Variants in JMJD1C observed in about 807,000 individuals in gnomAD.
The protein encoded by JMJD1C is jumonji domain-containing protein 1C.
JMJD1C carries 31 observed loss-of-function variants against 245.3 expected under a neutral mutation model. That is an observed-to-expected ratio of 0.13 (90% CI 0.09 to 0.17). The LOEUF (loss-of-function observed/expected upper bound fraction) is 0.17. JMJD1C is among the 10% of genes least tolerant of loss of function. The probability of loss-of-function intolerance (pLI) is 1.00; values close to 1 mark genes in which losing one functional copy is unlikely to be tolerated. For synonymous variants in JMJD1C, 1,057 were observed against 1,017.4 expected (o/e 1.04, Z -0.74); for missense variants, 2,691 against 3,000.2 (o/e 0.90, Z 2.41).
chr10:63,317,536 TACACAC>T (rs542075558), intron 2 of JMJD1C, among the ~76,000 whole-genome samples: 1 of 151,348 alleles, frequency 6.6e-6, no homozygotes, highest in Non-Finnish European at 1.5e-5. Flanking sequence ...CTAAGCCTAC[TACACAC>T]ACACACACAC....
At chr10:63,520,284 C>T (rs1955168692) in intron 1 of JMJD1C, among the ~76,000 whole-genome samples, 1 of 152,114 alleles carries the variant, frequency 6.6e-6, no homozygotes, top group African/African-American at 2.4e-5. Context: ...ATTATTACCC[C>T]CTTTTTATCA....
At chr10:63,250,042 C>T (rs1852842176) in intron 3 of JMJD1C, among the ~76,000 whole-genome samples, 1 of 151,894 alleles carries the variant, frequency 6.6e-6, no homozygotes, top group Non-Finnish European at 1.5e-5. Flanking sequence ...CAGGGTTTCC[C>T]TCTGTTACCT....
chr10:63,383,279 C>CA (rs1947353656), intron 1 of JMJD1C, among the ~76,000 whole-genome samples: 1 of 151,216 alleles, frequency 6.6e-6, no homozygotes, highest in Non-Finnish European at 1.5e-5. Flanking sequence ...TAAAGCTTAT[C>CA]TATTAGAATG....
In JMJD1C at chr10:63,208,335, T is replaced by G; in HGVS notation, c.3334A>C (p.Lys1112Gln). 6.2e-7 allele frequency: 1 copy of G among 1,614,160 alleles called. No homozygotes were observed. ...VNEPPRSYPS[K>Q]EVSNIYGDKQ... ...TCACCGTAAATATTTGAAACTTCTT[T>G]GGATGGGTATGATCTTGGTGGTTCA... The change falls in exon 10 of 26, where the codon AAA becomes CAA. Residue 1112 changes from lysine (K) to glutamine (Q), a missense_variant. By Grantham distance (53) the Lys-to-Gln change is moderately conservative. Transcript: ENST00000399262.
At chr10:63,169,081 G>T (rs931522282) in intron 24 of JMJD1C, among the ~76,000 whole-genome samples, 3 of 152,130 alleles carry the variant, frequency 2.0e-5, no homozygotes, top group Non-Finnish European at 4.4e-5. Context: ...CCTCGACTGA[G>T]TTTCAGAAAT....
At chr10:63,369,026 G>A (rs770170794) in intron 2 of JMJD1C, among the ~76,000 whole-genome samples, 1 of 152,158 alleles carries the variant, frequency 6.6e-6, no homozygotes, top group African/African-American at 2.4e-5. Context: ...TCCTCAGGGT[G>A]TAATAATGAT....
chr10:63,490,493 G>A (rs1435611823), intron 1 of JMJD1C, among the ~76,000 whole-genome samples: 3 of 149,014 alleles, frequency 2.0e-5, no homozygotes, highest in Non-Finnish European at 4.4e-5. Context: ...TTGGCTCCCC[G>A]CAACCTCCGC....
At chr10:63,363,847 T>A (rs1945617921) in intron 2 of JMJD1C, among the ~76,000 whole-genome samples, 1 of 147,000 alleles carries the variant, frequency 6.8e-6, no homozygotes, top group Admixed American at 7.1e-5. Flanking sequence ...CCACCATGCC[T>A]GGCTAATTTT....
At chr10:63,356,127 A>T (rs1283782698) in intron 2 of JMJD1C, among the ~76,000 whole-genome samples, 1 of 152,222 alleles carries the variant, frequency 6.6e-6, no homozygotes, top group Non-Finnish European at 1.5e-5. Flanking sequence ...GCAGTGCTAC[A>T]TTACAGTAAC....
intron 2 of JMJD1C, among the ~76,000 whole-genome samples, chr10:63,347,622 G>T (rs1589544258): frequency 6.7e-6 from 1 of 149,408 alleles, no homozygotes; most frequent in Non-Finnish European, 1.5e-5. Flanking sequence ...AAGAAAAAAA[G>T]AAATTACAGG....
intron 22 of JMJD1C, among the ~76,000 whole-genome samples, chr10:63,181,691 G>C (rs1167651852): frequency 6.6e-6 from 1 of 152,124 alleles, no homozygotes; most frequent in Non-Finnish European, 1.5e-5. Flanking sequence ...AGAAGCTGGG[G>C]GATATGCATA....
intron 2 of JMJD1C, among the ~76,000 whole-genome samples, chr10:63,349,385 A>T (rs919900032): frequency 2.6e-5 from 4 of 152,230 alleles, no homozygotes; most frequent in Admixed American, 1.3e-4. Context: ...AGTTATCGAT[A>T]CCAGTTTTGC....
chr10:63,217,080 C>G (rs1181227200), intron 5 of JMJD1C, 127 bp downstream of exon 5: 2 of 813,196 alleles, frequency 2.5e-6, no homozygotes, highest in African/African-American at 3.5e-5. Flanking sequence ...TTTAAACTTA[C>G]TAGAATTACA....
Position 63,184,605 on chromosome 10 carries a change from T to C in JMJD1C, c.6961+3A>G. ...CATGGGAGAAATGTGAATATATACC[T>C]ACCATAGGCACTGCACAACCTGGGT... On this transcript the variant is annotated splice_donor_region_variant and intron_variant, in intron 21 of 25. Coordinates refer to ENST00000399262, the MANE Select transcript of JMJD1C (RefSeq NM_032776.3). The C allele has an allele frequency of 6.3e-7, 1 of 1,588,202 alleles. No homozygotes were observed. Among genetic ancestry groups the C allele is most frequent in the Non-Finnish European group, 8.5e-7 (1 of 1,173,158 alleles).
intron 2 of JMJD1C, among the ~76,000 whole-genome samples, chr10:63,332,778 G>T (rs1942298292): frequency 6.6e-6 from 1 of 152,134 alleles, no homozygotes; most frequent in South Asian, 2.1e-4. Context: ...GAATTCAAAA[G>T]AATATGCTAG....
chr10:63,281,318 T>G lies in JMJD1C; in HGVS notation c.334-16554A>C, dbSNP rs199571675. Among the ~76,000 whole-genome samples, 339 of 143,498 alleles carry G rather than the reference T, an allele frequency of 2.4e-3. 1 individual carries two copies. Among genetic ancestry groups the G allele is most frequent in the East Asian group, 0.019 (96 of 5,042 alleles). 94.1% of individuals were successfully genotyped at this position (143,498 alleles called of 152,430 possible). ...CCCGGCTAATTTTTCTGTTTTTTTT[T>G]TTTGTTTGTTTTTTGTTTTTTTAGT... On this transcript the variant is annotated intron_variant, in intron 2 of 25. Transcript: ENST00000399262.
At position 63,192,955 on chromosome 10, in the gene JMJD1C, G is replaced by C. The variant is rs751872748; in HGVS notation, c.6059C>G (p.Ala2020Gly). The change falls in exon 16 of 26, where the codon GCC becomes GGC. Residue 2020 changes from alanine (A) to glycine (G), a missense_variant. Coordinates refer to ENST00000399262, the MANE Select transcript of JMJD1C (RefSeq NM_032776.3). ...HWLADLAEQK[A>G]REEKKENKEL... The stretch of plus-strand genomic sequence containing the variant: ...ATGTTTACCTTTTTTTTCCTCTCTG[G>C]CTTTTTGCTCTGCAAGATCTGCTAA... 4 of 1,611,944 alleles carry C rather than the reference G, an allele frequency of 2.5e-6. No individual in the cohort carries two copies. The highest frequency in any genetic ancestry group is 2.7e-5 in the African/African-American group (2 of 74,612).
At chr10:63,217,369 G>A (rs946494430) in intron 4 of JMJD1C, 38 bp from the exon 5 acceptor site, 8 of 1,483,006 alleles carry the variant, frequency 5.4e-6, no homozygotes, top group African/African-American at 1.4e-5. Context: ...ATCTTAAATG[G>A]AGACATCTTC....
rs1589152316 is a variant in JMJD1C, at chr10:63,209,074, A to T, written c.2856T>A (p.Asp952Glu). 1 of 1,612,346 alleles carries T rather than the reference A, an allele frequency of 6.2e-7. No homozygotes were observed. The highest frequency in any genetic ancestry group is 8.5e-7 in the Non-Finnish European group (1 of 1,179,162). The change falls in exon 9 of 26, where the codon GAT (aspartate) becomes GAA (glutamate). Residue 952 changes from aspartate to glutamate, a missense_variant. Asp to Glu is a conservative substitution (Grantham distance 45). Coordinates refer to ENST00000399262, the MANE Select transcript of JMJD1C (RefSeq NM_032776.3). ...SSPPLTKTLV[D>E]HHKEELERKA... The stretch of plus-strand genomic sequence containing the variant: ...ACTGGTGAACTTACTCCTTATGATG[A>T]TCTACTAAAGTTTTTGTCAATGGTG...
Sources: allele counts gnomAD v4.1 joint callset (sites outside exome capture counted in the v4.1 genomes callset), GRCh38; gene constraint gnomAD v4.1.1; transcripts MANE v1.5; gene names NCBI Gene and HGNC (gene_info 2026-07-23, HGNC 2026-07-21).